DAPK2: variants seen among roughly 807,000 people sequenced by gnomAD.
DAPK2 encodes death-associated protein kinase 2.
A neutral mutation model predicts 44.1 loss-of-function variants in DAPK2; 35 were observed. The observed-to-expected ratio is 0.79, with a 90% CI of 0.61 to 1.05. DAPK2 has a LOEUF of 1.05. Among genes scored for constraint, DAPK2 ranks in the 50% least tolerant of loss-of-function variants. DAPK2 has a pLI of 0.00. For synonymous variants in DAPK2, 174 were observed against 182.6 expected, an observed-to-expected ratio of 0.95 and a Z score of 0.38; for missense variants, 453 against 483.2, an observed-to-expected ratio of 0.94 and a Z score of 0.59.
chr15:64,008,548 T>G (rs756271937), intron 1 of DAPK2, among the ~76,000 whole-genome samples: 17 of 152,178 alleles, frequency 1.1e-4, no homozygotes, highest in Non-Finnish European at 2.1e-4. Flanking sequence ...AGCTAAGCAT[T>G]CTCCACTAAG....
chr15:64,025,851 C>CG (rs2141110227), intron 1 of DAPK2, among the ~76,000 whole-genome samples: 2 of 152,074 alleles, frequency 1.3e-5, no homozygotes, highest in South Asian at 4.2e-4. Flanking sequence ...ATGGATATTG[C>CG]GGGGGATGGA....
chr15:64,041,463 C>T (rs2080351888), upstream of DAPK2, among the ~76,000 whole-genome samples: 1 of 152,218 alleles, frequency 6.6e-6, no homozygotes, highest in South Asian at 2.1e-4. Flanking sequence ...GAGGCTTACC[C>T]ATTCCTGACA....
At chr15:63,943,482 T>C (rs1182824943) in intron 3 of DAPK2, among the ~76,000 whole-genome samples, 1 of 152,082 alleles carries the variant, frequency 6.6e-6, no homozygotes, top group Non-Finnish European at 1.5e-5. Flanking sequence ...TATCCCTCAT[T>C]AGGAACTTTA....
rs147666843 is a variant in DAPK2 at position 63,939,719 on chromosome 15, T to C, written c.454-358A>G. Among the ~76,000 whole-genome samples the C allele has an allele frequency of 1.1e-3, 161 of 152,310 alleles. 4 individuals carry two copies. The East Asian group carries it at 0.026, about 24-fold the overall frequency. ...GGGGCCAATGAGATACTTGCAGCAT[T>C]TCCTGTAAACAAACCCAGCACTGCT... On this transcript the variant is annotated intron_variant, in intron 3 of 10. Transcript: ENST00000261891. This position sits in a 1 kb window ranked among gnomAD's most constrained non-coding sequence, Gnocchi z 4.3.
In DAPK2 at chr15:63,912,189, G is replaced by A. The variant is rs781124569; in HGVS notation, c.867C>T (p.Asp289=). Residue 289 remains aspartate (D), a synonymous_variant, in exon 9 of 11, where the codon GAC becomes GAT. Transcript: ENST00000261891. This position sits in a 1 kb window ranked among gnomAD's most constrained non-coding sequence, Gnocchi z 4.4. Reference sequence around the variant, plus strand: ...CCCTGCGCACCATGGCTTGCTGGTTGTCCACCGGCTGAGAGACAAAGCAGA... The same window carrying A: ...CCCTGCGCACCATGGCTTGCTGGTTATCCACCGGCTGAGAGACAAAGCAGA... The A allele has an allele frequency of 1.9e-6, 3 of 1,613,594 alleles. No individual in the cohort carries two copies. The highest frequency in any genetic ancestry group is 2.5e-6 in the Non-Finnish European group (3 of 1,179,862).
At chr15:63,975,886 G>A (rs781751448) in intron 2 of DAPK2, among the ~76,000 whole-genome samples, 6 of 152,152 alleles carry the variant, frequency 3.9e-5, no homozygotes, top group South Asian at 2.1e-4. Flanking sequence ...GAGCCATTGC[G>A]CTCGGCTCCA....
chr15:64,035,941 T>C (rs928161939), intron 1 of DAPK2, among the ~76,000 whole-genome samples: 32 of 151,948 alleles, frequency 2.1e-4, no homozygotes, highest in African/African-American at 7.3e-4. Flanking sequence ...CTCTTACTCA[T>C]AGGATAAGGA....
chr15:63,981,744 A>G (rs2078521435), intron 2 of DAPK2, among the ~76,000 whole-genome samples: 1 of 151,972 alleles, frequency 6.6e-6, no homozygotes, highest in Non-Finnish European at 1.5e-5. Flanking sequence ...GCTGGGAATC[A>G]GGATGCCGAC....
At chr15:64,035,082 C>T (rs1325062562) in intron 1 of DAPK2, among the ~76,000 whole-genome samples, 2 of 151,736 alleles carry the variant, frequency 1.3e-5, no homozygotes, top group African/African-American at 2.4e-5. Flanking sequence ...GCAGGAGAAT[C>T]GCTTGAACCC....
intron 1 of DAPK2, among the ~76,000 whole-genome samples, chr15:64,025,756 T>A (rs2079822617): frequency 6.6e-6 from 1 of 152,228 alleles, no homozygotes. Context: ...TTTTAAATAA[T>A]TAATTAATGA....
intron 3 of DAPK2, among the ~76,000 whole-genome samples, chr15:63,943,456 T>C (rs2077368761): frequency 6.6e-6 from 1 of 152,122 alleles, no homozygotes; most frequent in Non-Finnish European, 1.5e-5. Flanking sequence ...ACCGAGACTA[T>C]AACATTAGTT....
chr15:63,936,841 A>G (rs2077169201), intron 4 of DAPK2, among the ~76,000 whole-genome samples: 1 of 151,842 alleles, frequency 6.6e-6, no homozygotes, highest in African/African-American at 2.4e-5. Flanking sequence ...ATTGCCAGGC[A>G]TAATGGTGCA....
chr15:63,913,546 C>T (rs1336177799), intron 8 of DAPK2, among the ~76,000 whole-genome samples: 1 of 152,214 alleles, frequency 6.6e-6, no homozygotes, highest in African/African-American at 2.4e-5. Context: ...GCCGCAATGC[C>T]TCATTCACCT....
Position 63,923,181 on chromosome 15 carries a change from G to A in DAPK2, c.858+1635C>T, listed in dbSNP as rs779104151. ...AGGGCACGGCATCCCAGGTCGACCC[G>A]AGCCACGTCTTCCACCACACAGGCA... is the stretch of plus-strand genomic sequence containing the variant. On this transcript the variant is annotated intron_variant, in intron 8 of 10. Transcript: ENST00000261891. The surrounding 1 kb of genome is among the most constrained non-coding windows in gnomAD (Gnocchi z 4.2). 73 of 1,535,718 alleles carry A rather than the reference G, an allele frequency of 4.8e-5. No homozygotes were observed. Among genetic ancestry groups the A allele is most frequent in the East Asian group, 1.5e-4 (6 of 40,916 alleles).
chr15:63,934,249 G>GTTTTTTTTTTTT (rs772176640), intron 4 of DAPK2, among the ~76,000 whole-genome samples: 1 of 63,286 alleles, frequency 1.6e-5, no homozygotes, highest in African/African-American at 6.4e-5. Flanking sequence ...TTTTATCCTA[G>GTTTTTTTTTTTT]TTTTTTTTTT....
intron 3 of DAPK2, among the ~76,000 whole-genome samples, chr15:63,950,953 G>A (rs532434314): frequency 1.6e-4 from 25 of 152,254 alleles, no homozygotes; most frequent in South Asian, 8.3e-4. Context: ...CATTATTAAA[G>A]GACAGCTCGC....
In DAPK2 at chr15:63,979,010, C is replaced by G. The variant is rs554114130; in HGVS notation, c.314+4523G>C. On this transcript the variant is annotated intron_variant, in intron 2 of 10. Coordinates refer to ENST00000261891, the Ensembl canonical transcript of DAPK2. ...CAGGAAGCTGGGCTCAATTCAGGAA[C>G]CTGGGAAGCATCACTGCCACCCTGG... 2.0e-5 allele frequency among the ~76,000 whole-genome samples: 3 copies of G among 152,320 alleles called. No individual in the cohort carries two copies. In the South Asian group the frequency reaches 6.2e-4, roughly 32 times the overall value.
intron 5 of DAPK2, chr15:63,929,950 G>A (rs1435768873): frequency 4.5e-6 from 2 of 448,382 alleles, no homozygotes; most frequent in Non-Finnish European, 8.5e-6. Flanking sequence ...AAAGGTGCTT[G>A]GCCAACTATA....
chr15:63,919,513 G>C (rs942178610), intron 8 of DAPK2: 1 of 152,030 alleles, frequency 6.6e-6, no homozygotes, highest in Non-Finnish European at 1.5e-5. Flanking sequence ...GTCTCACTCT[G>C]TCACCCAGGC....
Sources: gnomAD v4.1 joint callset for allele counts (sites outside exome capture counted in the v4.1 genomes callset) on GRCh38, gnomAD v4.1.1 for gene constraint, Gnocchi (gnomAD v3.1) non-coding constraint, MANE v1.5 for transcripts, NCBI Gene and HGNC (gene_info 2026-07-23, HGNC 2026-07-21) for gene names.